Variants in ARMC9 observed in about 807,000 individuals in gnomAD.
The protein encoded by ARMC9 is lisH domain-containing protein ARMC9.
In ARMC9, 94 loss-of-function variants were observed where a neutral mutation model predicts 107.0. The observed-to-expected ratio is 0.88, with a 90% CI of 0.74 to 1.04. The LOEUF (loss-of-function observed/expected upper bound fraction) is 1.04, where lower values mean the gene tolerates loss of function less well. Among genes scored for constraint, ARMC9 ranks in the 50% least tolerant of loss-of-function variants. ARMC9 has a pLI of 0.00. For missense variants in ARMC9, 942 were observed against 1,030.1 expected (o/e 0.91, Z 1.17); for synonymous variants, 380 against 396.9 (o/e 0.96, Z 0.51).
At chr2:231,208,060 T>C in intron 2 of ARMC9, 67 bp from the exon 3 acceptor site, 1 of 752,558 alleles carries the variant, frequency 1.3e-6, no homozygotes, top group Non-Finnish European at 2.2e-6. Context: ...ATTCAGATCC[T>C]TTGGCTGTTT....
At chr2:231,256,173 A>G (rs1226724144) in intron 9 of ARMC9, 101 of 1,531,968 alleles carry the variant, frequency 6.6e-5, no homozygotes, top group Non-Finnish European at 8.2e-5. Flanking sequence ...TCTCAGGGAC[A>G]GTGCACGCAG....
chr2:231,353,024 A>T (rs1575166913), intron 21 of ARMC9, among the ~76,000 whole-genome samples: 1 of 113,488 alleles, frequency 8.8e-6, no homozygotes, highest in East Asian at 2.0e-4. Context: ...CTTGTCAATG[A>T]TGATCTCAAT....
intron 6 of ARMC9, among the ~76,000 whole-genome samples, chr2:231,225,447 A>G (rs2034552493): frequency 6.6e-6 from 1 of 152,206 alleles, no homozygotes; most frequent in Non-Finnish European, 1.5e-5. Context: ...AGCCAAAAAA[A>G]TGCAAACAAC....
At chr2:231,288,333 C>T (rs2125465161) in intron 17 of ARMC9, among the ~76,000 whole-genome samples, 1 of 152,192 alleles carries the variant, frequency 6.6e-6, no homozygotes, top group Middle Eastern at 3.4e-3. Context: ...TCCCAATTAT[C>T]TCTGGGTGGG....
intron 14 of ARMC9, among the ~76,000 whole-genome samples, chr2:231,273,301 T>C (rs566734402): frequency 6.6e-6 from 1 of 152,346 alleles, no homozygotes; most frequent in South Asian, 2.1e-4. Context: ...TGGATTTTCC[T>C]AATGGACATT....
intron 17 of ARMC9, among the ~76,000 whole-genome samples, chr2:231,282,790 T>G (rs1251287234): frequency 6.6e-6 from 1 of 152,232 alleles, no homozygotes; most frequent in African/African-American, 2.4e-5. Flanking sequence ...ACATCAACAG[T>G]TACACCAGAG....
At chr2:231,209,285 G>A (rs1185980492) in intron 3 of ARMC9, among the ~76,000 whole-genome samples, 3 of 152,184 alleles carry the variant, frequency 2.0e-5, no homozygotes, top group African/African-American at 4.8e-5. Context: ...GGTGGCTGAG[G>A]TAGGAGGATC....
intron 23 of ARMC9, among the ~76,000 whole-genome samples, chr2:231,367,145 C>G (rs112063224): frequency 1.3e-5 from 2 of 152,030 alleles, no homozygotes; most frequent in Non-Finnish European, 2.9e-5. Flanking sequence ...CCACCATGCC[C>G]GGCCAACAAA....
chr2:231,293,278 A>G (rs987582191), intron 18 of ARMC9, among the ~76,000 whole-genome samples: 6 of 152,190 alleles, frequency 3.9e-5, no homozygotes, highest in African/African-American at 1.4e-4. Flanking sequence ...CCTGAACCTC[A>G]GTGCTGCCTG....
intron 8 of ARMC9, among the ~76,000 whole-genome samples, chr2:231,236,951 AT>A (rs1006280755): frequency 2.6e-5 from 4 of 152,196 alleles, no homozygotes; most frequent in African/African-American, 9.6e-5. Flanking sequence ...AATAAATTTA[AT>A]TTAATTTAAA....
intron 19 of ARMC9, among the ~76,000 whole-genome samples, chr2:231,314,321 C>A (rs762641737): frequency 6.6e-6 from 1 of 151,906 alleles, no homozygotes; most frequent in Non-Finnish European, 1.5e-5. Flanking sequence ...TCAGCTGATC[C>A]GCCGCCTTGG....
intron 19 of ARMC9, among the ~76,000 whole-genome samples, chr2:231,319,534 C>T (rs2042886553): frequency 6.6e-6 from 1 of 152,182 alleles, no homozygotes; most frequent in African/African-American, 2.4e-5. Flanking sequence ...CCTGGCGGTC[C>T]CAGGCGCCCA....
intron 1 of ARMC9, among the ~76,000 whole-genome samples, chr2:231,199,891 T>G (rs564812306): frequency 6.6e-5 from 10 of 152,104 alleles, no homozygotes; most frequent in Non-Finnish European, 1.0e-4. Flanking sequence ...AGAGATGGGG[T>G]TCCACCATGT....
chr2:231,286,307 G>A lies in ARMC9; in HGVS notation c.1626+4174G>A, dbSNP rs780448497. Among the ~76,000 whole-genome samples, 86 of 152,222 alleles carry A rather than the reference G, an allele frequency of 5.6e-4. No individual in the cohort carries two copies. The Middle Eastern group carries it at 0.01, about 18-fold the overall frequency. On this transcript the variant is annotated intron_variant, in intron 17 of 24. Coordinates refer to ENST00000611582, the MANE Select transcript of ARMC9 (RefSeq NM_001352754.2). Reference sequence around the variant, plus strand: ...ATGTTTGTATTTTTAGTAGAGACGGGGTTTCACCGTGTTGGCCAGGCTGGT... The same window carrying A: ...ATGTTTGTATTTTTAGTAGAGACGGAGTTTCACCGTGTTGGCCAGGCTGGT...
chr2:231,363,576 T>C (rs575208127), intron 23 of ARMC9, among the ~76,000 whole-genome samples: 1 of 152,242 alleles, frequency 6.6e-6, no homozygotes, highest in South Asian at 2.1e-4. Flanking sequence ...AATTACTTTC[T>C]CGGAGGCTAG....
intron 19 of ARMC9, among the ~76,000 whole-genome samples, chr2:231,330,435 T>C (rs1446744015): frequency 6.6e-6 from 1 of 152,146 alleles, no homozygotes; most frequent in African/African-American, 2.4e-5. Context: ...GAGTGCCCCG[T>C]CACTCACTGC....
intron 20 of ARMC9, among the ~76,000 whole-genome samples, chr2:231,339,365 C>G (rs914567925): frequency 6.6e-6 from 1 of 151,556 alleles, no homozygotes; most frequent in Non-Finnish European, 1.5e-5. Flanking sequence ...TTTTAAAAGA[C>G]AAAAATTTAA....
chr2:231,316,864 G>A (rs1462420654), intron 19 of ARMC9, among the ~76,000 whole-genome samples: 1 of 152,104 alleles, frequency 6.6e-6, no homozygotes, highest in African/African-American at 2.4e-5. Flanking sequence ...CCAGGTTCAA[G>A]CAATTCTCAT....
rs2037823736 is a variant in ARMC9, at chr2:231,256,455, A to G, written c.880-131A>G. 11 of 1,319,954 alleles carry G rather than the reference A, an allele frequency of 8.3e-6. No individual in the cohort carries two copies. In the Admixed American group the frequency reaches 2.4e-4, roughly 29 times the overall value. 81.8% of individuals were successfully genotyped at this position (1,319,954 alleles called of 1,614,324 possible). A position where few individuals can be genotyped will look rare whatever the true frequency, so the allele number is the denominator to read the frequency against. ...CGTTTGTGTTTCAAGTTAAAAAAAA[A>G]AACCAAAAAAAAAAACCCAAAAAAC... On this transcript the variant is annotated intron_variant, in intron 9 of 24. Transcript: ENST00000611582.
Sources: allele counts gnomAD v4.1 joint callset (sites outside exome capture counted in the v4.1 genomes callset), GRCh38; gene constraint gnomAD v4.1.1; transcripts MANE v1.5; gene names NCBI Gene and HGNC (gene_info 2026-07-23, HGNC 2026-07-21).